Variants in ABCB5 observed in about 807,000 individuals in gnomAD.
The protein encoded by ABCB5 is ATP-binding cassette sub-family B member 5.
A neutral mutation model predicts 144.2 loss-of-function variants in ABCB5; 155 were observed. The observed-to-expected ratio is 1.08, with a 90% CI of 0.94 to 1.23. The LOEUF is 1.23. Ranked by LOEUF, ABCB5 falls within the 50% of genes most tolerant of loss-of-function variation. The pLI is 0.00. For synonymous variants in ABCB5, 610 were observed against 528.6 expected (o/e 1.15, Z -2.11); for missense variants, 1,830 against 1,520.8 (o/e 1.20, Z -3.38).
intron 16 of ABCB5, among the ~76,000 whole-genome samples, chr7:20,692,858 T>G (rs1172035172): frequency 6.6e-6 from 1 of 152,156 alleles, no homozygotes; most frequent in African/African-American, 2.4e-5. Context: ...ATAAAGAAGT[T>G]TCTTTCAAAA....
intron 13 of ABCB5, among the ~76,000 whole-genome samples, chr7:20,654,662 G>A (rs944889918): frequency 6.6e-6 from 1 of 151,970 alleles, no homozygotes; most frequent in Non-Finnish European, 1.5e-5. Flanking sequence ...TATGTTCTCA[G>A]ACCATAATAT....
At chr7:20,732,492 C>T (rs1371599171) in intron 23 of ABCB5, among the ~76,000 whole-genome samples, 1 of 152,140 alleles carries the variant, frequency 6.6e-6, no homozygotes, top group Non-Finnish European at 1.5e-5. Flanking sequence ...AAGTGGGTGG[C>T]ACATAACAGA....
intron 16 of ABCB5, among the ~76,000 whole-genome samples, chr7:20,693,813 C>T: frequency 6.6e-6 from 1 of 151,244 alleles, no homozygotes; most frequent in Non-Finnish European, 1.5e-5. Flanking sequence ...AATGAAAGAG[C>T]TGACATCACT....
chr7:20,720,457 A>G (rs1216821383), intron 20 of ABCB5, among the ~76,000 whole-genome samples: 1 of 152,186 alleles, frequency 6.6e-6, no homozygotes, highest in Non-Finnish European at 1.5e-5. Context: ...TTACAAGTGA[A>G]CAATGCCTGG....
At chr7:20,740,059 G>A (rs927280095) in intron 24 of ABCB5, among the ~76,000 whole-genome samples, 49 of 151,990 alleles carry the variant, frequency 3.2e-4, no homozygotes, top group Admixed American at 5.9e-4. Flanking sequence ...GTGAAACCCC[G>A]TCTCTACTAA....
chr7:20,629,145 C>CGGGTGTGTGTGT (rs1783976168), intron 4 of ABCB5, among the ~76,000 whole-genome samples: 1 of 135,058 alleles, frequency 7.4e-6, no homozygotes, highest in Admixed American at 7.5e-5. Flanking sequence ...AGAGAGACTG[C>CGGGTGTGTGTGT]GTGTGTGTGT....
At chr7:20,709,108 C>T (rs897513337) in intron 20 of ABCB5, among the ~76,000 whole-genome samples, 17 of 152,162 alleles carry the variant, frequency 1.1e-4, no homozygotes, top group Admixed American at 2.0e-4. Flanking sequence ...TTACTCTCAA[C>T]GTCTGTAACT....
chr7:20,749,956 T>C (rs1437787627), intron 26 of ABCB5, among the ~76,000 whole-genome samples: 1 of 152,206 alleles, frequency 6.6e-6, no homozygotes, highest in South Asian at 2.1e-4. Flanking sequence ...ATAGAGTATA[T>C]AAAGCTATGG....
intron 23 of ABCB5, among the ~76,000 whole-genome samples, chr7:20,735,484 T>C (rs1299866012): frequency 6.6e-6 from 1 of 152,080 alleles, no homozygotes; most frequent in African/African-American, 2.4e-5. Context: ...GCAACACTGG[T>C]TACACAAAAC....
intron 5 of ABCB5, among the ~76,000 whole-genome samples, chr7:20,633,962 A>G (rs376109113): frequency 2.5e-4 from 38 of 152,172 alleles, no homozygotes; most frequent in African/African-American, 8.9e-4. Context: ...TTGTGTAGCC[A>G]TGACCCAAAT....
intron 20 of ABCB5, among the ~76,000 whole-genome samples, chr7:20,718,079 G>GC (rs1781744017): frequency 7.1e-6 from 1 of 140,380 alleles, no homozygotes; most frequent in Admixed American, 7.1e-5. Context: ...TTTTTTTGTG[G>GC]TTTTTTTTTT....
At chr7:20,711,812 C>CT (rs1209403603) in intron 20 of ABCB5, among the ~76,000 whole-genome samples, 2 of 49,088 alleles carry the variant, frequency 4.1e-5, no homozygotes, top group South Asian at 1.4e-3. Flanking sequence ...TTCTTTCTTT[C>CT]TTTCTTTCTT....
At chr7:20,726,331 A>G (rs1782034018) in intron 21 of ABCB5, among the ~76,000 whole-genome samples, 1 of 144,282 alleles carries the variant, frequency 6.9e-6, no homozygotes, top group Non-Finnish European at 1.5e-5. Context: ...GAATAAAATA[A>G]TTATGTGATT....
intron 19 of ABCB5, among the ~76,000 whole-genome samples, chr7:20,700,906 C>T (rs939063989): frequency 2.0e-5 from 3 of 152,198 alleles, no homozygotes; most frequent in Admixed American, 1.3e-4. Flanking sequence ...AATAGAGTTA[C>T]TGTCACTCCA....
In ABCB5 at chr7:20,722,973, A is replaced by G. The variant is rs757043814; in HGVS notation, c.2422-43A>G. On this transcript the variant is annotated intron_variant, in intron 20 of 27. Transcript: ENST00000404938. The stretch of plus-strand genomic sequence containing the variant: ...CTATAATAGGAACTCTTGTAAATGT[A>G]AAGTTAATTGAGTTTTTTCCCCCAA... The G allele has an allele frequency of 1.7e-5, 26 of 1,568,560 alleles. No homozygotes were observed. In the South Asian group the frequency reaches 2.8e-4, roughly 17 times the overall value.
chr7:20,755,297 G>T (rs1783053285), intron 27 of ABCB5, 130 bp from the exon 28 acceptor site: 2 of 705,920 alleles, frequency 2.8e-6, no homozygotes, highest in African/African-American at 1.8e-5. Flanking sequence ...TATTTTACAA[G>T]TAGGGCAGTT....
At chr7:20,688,705 A>T (rs1169408342) in intron 16 of ABCB5, among the ~76,000 whole-genome samples, 2 of 152,204 alleles carry the variant, frequency 1.3e-5, no homozygotes, top group Non-Finnish European at 2.9e-5. Context: ...AATAGCAAAG[A>T]CTTGGAACCA....
At chr7:20,676,048 G>T (rs1785591720) in intron 14 of ABCB5, among the ~76,000 whole-genome samples, 2 of 151,904 alleles carry the variant, frequency 1.3e-5, no homozygotes, top group Admixed American at 6.6e-5. Context: ...GGAAAAATTG[G>T]AACCCTTGTA....
chr7:20,716,484 G>A (rs986092187), intron 20 of ABCB5, among the ~76,000 whole-genome samples: 4 of 151,894 alleles, frequency 2.6e-5, no homozygotes, highest in Non-Finnish European at 4.4e-5. Context: ...GCACTTTCCA[G>A]GAACCAAGGG....
Sources: allele counts gnomAD v4.1 joint callset (sites outside exome capture counted in the v4.1 genomes callset), GRCh38; gene constraint gnomAD v4.1.1; transcripts MANE v1.5; gene names NCBI Gene and HGNC (gene_info 2026-07-23, HGNC 2026-07-21).